NELL1: variants seen among roughly 807,000 people sequenced by gnomAD.
NELL1 encodes the protein protein kinase C-binding protein NELL1.
A neutral mutation model predicts 107.4 loss-of-function variants in NELL1; 76 were observed. The ratio of observed to expected loss-of-function variants is 0.71; its 90% CI spans 0.59 to 0.86. NELL1 has a LOEUF of 0.86. Among genes scored for constraint, NELL1 ranks in the 40% least tolerant of loss-of-function variants. The pLI, the probability that NELL1 is intolerant of heterozygous loss-of-function variation, is 0.00. For synonymous variants in NELL1, 353 were observed against 341.2 expected (o/e 1.03, Z -0.38); for missense variants, 1,024 against 1,005.5 (o/e 1.02, Z -0.25).
intron 14 of NELL1, among the ~76,000 whole-genome samples, chr11:21,265,222 G>T (rs1375502378): frequency 6.6e-6 from 1 of 151,976 alleles, no homozygotes; most frequent in Non-Finnish European, 1.5e-5. Flanking sequence ...AATTCAGCAT[G>T]AATAATGTGA....
chr11:20,748,872 T>TCATCCATC (rs59483612), intron 2 of NELL1, among the ~76,000 whole-genome samples: 1,617 of 145,350 alleles, frequency 0.011, 23 homozygotes, highest in African/African-American at 0.04. Context: ...GCATATTCTA[T>TCATCCATC]CATCCATCCA....
At chr11:20,862,605 C>CTTGTTT (rs1848998167) in intron 4 of NELL1, among the ~76,000 whole-genome samples, 1 of 94,650 alleles carries the variant, frequency 1.1e-5, no homozygotes, top group Admixed American at 1.5e-4. Flanking sequence ...TGAGCTGCTG[C>CTTGTTT]TTTTTTTTTT....
At chr11:20,771,293 TG>T (rs1407043942) in intron 2 of NELL1, among the ~76,000 whole-genome samples, 1 of 152,164 alleles carries the variant, frequency 6.6e-6, no homozygotes, top group Non-Finnish European at 1.5e-5. Context: ...GTGCAGTTTC[TG>T]GGGTGAAATA....
At chr11:21,098,094 C>G (rs75181172) in intron 12 of NELL1, among the ~76,000 whole-genome samples, 2,272 of 152,218 alleles carry the variant, frequency 0.015, 25 homozygotes, top group Non-Finnish European at 0.023. Context: ...TGGATCTGAC[C>G]TTCCTTATGC....
intron 15 of NELL1, among the ~76,000 whole-genome samples, chr11:21,415,505 T>C (rs1404502680): frequency 6.6e-6 from 1 of 152,136 alleles, no homozygotes; most frequent in Non-Finnish European, 1.5e-5. Context: ...AAAAATGTAG[T>C]GATGATGCCA....
At chr11:21,442,268 C>T (rs1033789019) in intron 15 of NELL1, among the ~76,000 whole-genome samples, 1 of 152,120 alleles carries the variant, frequency 6.6e-6, no homozygotes, top group Non-Finnish European at 1.5e-5. Flanking sequence ...TGATTCAGAA[C>T]CCTGCTCCTG....
intron 12 of NELL1, among the ~76,000 whole-genome samples, chr11:21,000,003 G>A (rs1189521118): frequency 1.3e-5 from 2 of 152,078 alleles, no homozygotes; most frequent in Non-Finnish European, 1.5e-5. Context: ...CTTTGGATGG[G>A]GATGTCTCAG....
At chr11:20,704,904 C>T (rs1267736320) in intron 2 of NELL1, among the ~76,000 whole-genome samples, 4 of 152,064 alleles carry the variant, frequency 2.6e-5, no homozygotes, top group Non-Finnish European at 4.4e-5. Context: ...AGTGAACTCC[C>T]ATTCACAATT....
At chr11:21,207,896 T>C (rs1458886074) in intron 13 of NELL1, among the ~76,000 whole-genome samples, 1 of 152,198 alleles carries the variant, frequency 6.6e-6, no homozygotes, top group Non-Finnish European at 1.5e-5. Context: ...TCTTTCTTTT[T>C]TTAAAAATAA....
At chr11:21,353,297 G>A (rs1482155051) in intron 14 of NELL1, among the ~76,000 whole-genome samples, 1 of 152,104 alleles carries the variant, frequency 6.6e-6, no homozygotes, top group East Asian at 1.9e-4. Flanking sequence ...GAGGTATGAG[G>A]CACTTACTTT....
intron 12 of NELL1, among the ~76,000 whole-genome samples, chr11:21,068,455 G>A (rs557687713): frequency 2.6e-5 from 4 of 152,186 alleles, no homozygotes; most frequent in Admixed American, 2.0e-4. Flanking sequence ...GATAAACAAC[G>A]GATAATTCTA....
intron 13 of NELL1, among the ~76,000 whole-genome samples, chr11:21,174,347 TC>T (rs1371541619): frequency 6.6e-6 from 1 of 151,896 alleles, no homozygotes; most frequent in African/African-American, 2.4e-5. Flanking sequence ...AACTATGTCT[TC>T]TAACATTTTA....
rs113924334 is a variant in NELL1, at chr11:20,968,356, A to AAAGGAAGGAAGGAAGGAAGG, written c.1300+7800_1300+7819dup. On this transcript the variant is annotated intron_variant, in intron 12 of 19. Coordinates refer to ENST00000357134, the MANE Select transcript of NELL1 (RefSeq NM_006157.5). ...CACACAAACATTTGCTTAAAGAAAG[A>AAAGGAAGGAAGGAAGGAAGG]AAGGAAGGAAGGAAGGAAGGAAGAC... Among the ~76,000 whole-genome samples, 603 of 151,386 alleles carry AAAGGAAGGAAGGAAGGAAGG rather than the reference A, an allele frequency of 4.0e-3. 3 individuals are homozygous for AAAGGAAGGAAGGAAGGAAGG. Among genetic ancestry groups the AAAGGAAGGAAGGAAGGAAGG allele is most frequent in the African/African-American group, 0.014 (569 of 41,172 alleles).
intron 2 of NELL1, among the ~76,000 whole-genome samples, chr11:20,780,585 C>A (rs906371164): frequency 1.3e-5 from 2 of 152,108 alleles, no homozygotes; most frequent in South Asian, 4.1e-4. Flanking sequence ...TATGAGGTAA[C>A]AAGCTTGAAA....
intron 14 of NELL1, among the ~76,000 whole-genome samples, chr11:21,337,207 A>G (rs552887088): frequency 1.3e-5 from 2 of 152,262 alleles, no homozygotes; most frequent in African/African-American, 4.8e-5. Flanking sequence ...TAGTCAGTCT[A>G]TATAATTTAC....
rs1305909337 is a variant in NELL1 at position 20,937,873 on chromosome 11, T to C, written c.1071+14T>C. On this transcript the variant is annotated intron_variant, in intron 10 of 19. Coordinates refer to ENST00000357134, the MANE Select transcript of NELL1 (RefSeq NM_006157.5). Reference sequence around the variant, plus strand: ...CGGGAATGCCGAGTAAGTGTTAATTTTATGGTCCCTATCACTTCTGGAAAA... The same window carrying C: ...CGGGAATGCCGAGTAAGTGTTAATTCTATGGTCCCTATCACTTCTGGAAAA... 3 of 1,612,816 alleles carry C rather than the reference T, an allele frequency of 1.9e-6. No homozygotes were observed. The highest frequency in any genetic ancestry group is 2.5e-6 in the Non-Finnish European group (3 of 1,178,850).
At position 20,801,253 on chromosome 11, in the gene NELL1, A is replaced by G. The variant is rs187226710; in HGVS notation, c.335+17423A>G. Among the ~76,000 whole-genome samples the G allele has an allele frequency of 3.7e-4, 57 of 152,356 alleles. 1 individual carries two copies. The East Asian group carries it at 9.5e-3, about 25-fold the overall frequency. On this transcript the variant is annotated intron_variant, in intron 3 of 19. Coordinates refer to ENST00000357134, the MANE Select transcript of NELL1 (RefSeq NM_006157.5). ...TAGCTTGTTTTTTAAAAAATACGTTAGACTTCTAGCCTACTTCTGTCATGT... is the reference window on the plus strand; with the variant it reads ...TAGCTTGTTTTTTAAAAAATACGTTGGACTTCTAGCCTACTTCTGTCATGT...
chr11:21,071,932 C>T (rs1487781552), intron 12 of NELL1, among the ~76,000 whole-genome samples: 1 of 152,126 alleles, frequency 6.6e-6, no homozygotes, highest in Non-Finnish European at 1.5e-5. Flanking sequence ...TGATGACTCA[C>T]TTTGTCTCAC....
intron 13 of NELL1, among the ~76,000 whole-genome samples, chr11:21,137,518 G>C (rs2133766854): frequency 6.6e-6 from 1 of 152,260 alleles, no homozygotes; most frequent in East Asian, 1.9e-4. Context: ...GAGACATTTT[G>C]ATAGAAAGTT....
Sources: allele counts gnomAD v4.1 joint callset (sites outside exome capture counted in the v4.1 genomes callset), GRCh38; gene constraint gnomAD v4.1.1; transcripts MANE v1.5; gene names NCBI Gene and HGNC (gene_info 2026-07-23, HGNC 2026-07-21).